Variants in FREM2 observed in about 807,000 individuals in gnomAD.
The protein encoded by FREM2 is FRAS1-related extracellular matrix protein 2.
Under a neutral mutation model 219.9 loss-of-function variants are expected in FREM2, and 119 were observed. The ratio of observed to expected loss-of-function variants is 0.54; its 90% confidence interval spans 0.47 to 0.63. The LOEUF is 0.63. Ranked by LOEUF, FREM2 falls within the 30% of genes least tolerant of loss-of-function variation. FREM2 has a pLI of 0.00. For synonymous variants in FREM2, 1,562 were observed against 1,522.8 expected (o/e 1.03, Z -0.60); for missense variants, 4,030 against 3,993.6 (o/e 1.01, Z -0.25).
At chr13:38,793,563 G>A (rs1874648801) in intron 6 of FREM2, among the ~76,000 whole-genome samples, 1 of 152,174 alleles carries the variant, frequency 6.6e-6, no homozygotes, top group Non-Finnish European at 1.5e-5. Context: ...GGGCCCTGTG[G>A]CCATATAAAA....
chr13:38,861,509 A>G lies in FREM2; in HGVS notation c.7598A>G (p.Asp2533Gly). ...SAKLRYTGPEDADYTNLIKLT... is the reference protein window; with the variant it reads ...SAKLRYTGPEGADYTNLIKLT... ...AAATTGCGCTACACAGGCCCTGAGG[A>G]TGCAGACTACACAAACCTTATCAAG... The change falls in exon 15 of 24, where the codon GAT (aspartate) becomes GGT (glycine). Residue 2533 changes from aspartate (D) to glycine (G), a missense_variant. Physicochemically the swap from Asp to Gly is moderately conservative, Grantham distance 94. Around this residue, in one of 2 missense-constraint regions of FREM2, gnomAD observed 928 missense variants for 1,042.9 expected, o/e 0.89. Coordinates refer to ENST00000280481, the MANE Select transcript of FREM2 (RefSeq NM_207361.6). 2 of 1,611,782 alleles carry G rather than the reference A, an allele frequency of 1.2e-6. No homozygotes were observed. The highest frequency in any genetic ancestry group is 1.7e-6 in the Non-Finnish European group (2 of 1,178,676).
At chr13:38,796,643 A>G (rs1390437521) in intron 6 of FREM2, among the ~76,000 whole-genome samples, 2 of 152,144 alleles carry the variant, frequency 1.3e-5, no homozygotes, top group Admixed American at 6.5e-5. Context: ...TCATAAGTAT[A>G]CATGATAGTT....
chr13:38,743,023 A>G (rs948849537), intron 2 of FREM2, among the ~76,000 whole-genome samples: 1 of 152,168 alleles, frequency 6.6e-6, no homozygotes, highest in African/African-American at 2.4e-5. Flanking sequence ...ACTTTTCTAT[A>G]TGGATCACTG....
At chr13:38,735,038 G>A (rs576504443) in intron 2 of FREM2, among the ~76,000 whole-genome samples, 3 of 152,174 alleles carry the variant, frequency 2.0e-5, no homozygotes, top group East Asian at 1.9e-4. Context: ...GAGCCACTGC[G>A]CCCAGCCAGT....
intron 6 of FREM2, among the ~76,000 whole-genome samples, chr13:38,825,576 A>C (rs942954837): frequency 6.6e-6 from 1 of 152,136 alleles, no homozygotes; most frequent in Non-Finnish European, 1.5e-5. Context: ...GCAGTGAGGC[A>C]TTGTCATTGC....
Position 38,689,478 on chromosome 13 carries a change from G to A in FREM2, c.2134G>A (p.Val712Met). 1 of 1,614,022 alleles carries A rather than the reference G, an allele frequency of 6.2e-7. No homozygotes were observed. Among genetic ancestry groups the A allele is most frequent in the Non-Finnish European group, 8.5e-7 (1 of 1,179,996 alleles). The change falls in exon 1 of 24, where the codon GTG (valine) becomes ATG (methionine). Residue 712 changes from valine (V) to methionine (M), a missense_variant. Physicochemically the swap from Val to Met is conservative, Grantham distance 21. Around this residue, in one of 2 missense-constraint regions of FREM2, gnomAD observed 3,102 missense variants for 2,950.7 expected, o/e 1.05. Transcript: ENST00000280481. ...GGGCAGTGGCTGTCCCCTTCGTATG[G>A]TGGTACAGGAATCCCAGCTCACACC... ...ELGSGCPLRM[V>M]VQESQLTPLR...
chr13:38,701,227 G>T lies in FREM2; in HGVS notation c.5263+3440G>T, dbSNP rs572713846. ...ATCAGAATAAGGCACTCACCCAGGT[G>T]TTCTGGGCCAGTCAACATACATGAA... On this transcript the variant is annotated intron_variant, in intron 2 of 23. Transcript: ENST00000280481. Among the ~76,000 whole-genome samples the T allele has an allele frequency of 7.9e-5, 12 of 152,190 alleles. No homozygotes were observed. The South Asian group carries it at 2.3e-3, about 29-fold the overall frequency.
At chr13:38,738,734 T>C (rs1278415691) in intron 2 of FREM2, among the ~76,000 whole-genome samples, 1 of 151,744 alleles carries the variant, frequency 6.6e-6, no homozygotes, top group East Asian at 1.9e-4. Flanking sequence ...AGATGCAGAG[T>C]ATGAGACCAG....
chr13:38,755,697 A>T (rs1872969418), intron 2 of FREM2, among the ~76,000 whole-genome samples: 1 of 152,172 alleles, frequency 6.6e-6, no homozygotes, highest in African/African-American at 2.4e-5. Context: ...ATCAGCTTCC[A>T]TGAGGTCTGT....
Position 38,692,473 on chromosome 13 carries a change from T to C in FREM2, c.5129T>C (p.Leu1710Pro). ...VTEAPQHGYLLNLDKGNHSIT... is the reference protein window; with the variant it reads ...VTEAPQHGYLPNLDKGNHSIT... Reference sequence around the variant, plus strand: ...GAGGCCCCTCAACATGGATATCTTCTCAACCTGGACAAAGGCAACCACAGC... The same window carrying C: ...GAGGCCCCTCAACATGGATATCTTCCCAACCTGGACAAAGGCAACCACAGC... The change falls in exon 1 of 24, where the codon CTC becomes CCC. Residue 1710 changes from leucine (L) to proline (P), a missense_variant. Physicochemically the swap from Leu to Pro is moderately conservative, Grantham distance 98 (BLOSUM62 -3). Around this residue, in one of 2 missense-constraint regions of FREM2, gnomAD observed 3,102 missense variants for 2,950.7 expected, o/e 1.05. Transcript: ENST00000280481. 6.2e-7 allele frequency: 1 copy of C among 1,613,472 alleles called. No homozygotes were observed. Among genetic ancestry groups the C allele is most frequent in the Non-Finnish European group, 8.5e-7 (1 of 1,180,008 alleles).
intron 6 of FREM2, among the ~76,000 whole-genome samples, chr13:38,811,324 TATTA>T (rs1345953353): frequency 6.6e-6 from 1 of 152,132 alleles, no homozygotes; most frequent in Non-Finnish European, 1.5e-5. Context: ...CTCTGATTTT[TATTA>T]ATTCTTCTAC....
intron 6 of FREM2, among the ~76,000 whole-genome samples, chr13:38,796,678 CTT>C (rs1874800285): frequency 6.6e-6 from 1 of 152,128 alleles, no homozygotes; most frequent in African/African-American, 2.4e-5. Context: ...TCAATGGACA[CTT>C]AGGATGATTC....
At position 38,877,200 on chromosome 13, in the gene FREM2, A is replaced by T. The variant is rs1247616055; in HGVS notation, c.8628A>T (p.Gly2876=). Residue 2876 remains glycine, a synonymous_variant, in exon 21 of 24, where the codon GGA becomes GGT. Transcript: ENST00000280481. The stretch of plus-strand genomic sequence containing the variant: ...AGAAGAGTCTCTGGTTGTCTGATGG[A>T]TCCATGGGATTCGGGCAAGAGAGTG... ...LSKKSLWLSD[G]SMGFGQESDV... The T allele has an allele frequency of 4.3e-6, 7 of 1,613,988 alleles. No homozygotes were observed. Among genetic ancestry groups the T allele is most frequent in the Non-Finnish European group, 5.9e-6 (7 of 1,179,974 alleles).
rs890363251 is a variant in FREM2 at position 38,867,873 on chromosome 13, A to G, written c.7983+3267A>G. ...GGCCTCAGCCAATTTGGTGGTGCCC[A>G]CTTACATTGAGTGAGGATGGGTCTT... On this transcript the variant is annotated intron_variant, in intron 16 of 23. Coordinates refer to ENST00000280481, the MANE Select transcript of FREM2 (RefSeq NM_207361.6). Among the ~76,000 whole-genome samples, 8 of 152,182 alleles carry G rather than the reference A, an allele frequency of 5.3e-5. No individual in the cohort carries two copies. The South Asian group carries it at 8.3e-4, about 16-fold the overall frequency.
intron 2 of FREM2, among the ~76,000 whole-genome samples, chr13:38,762,146 G>C (rs1020871227): frequency 6.6e-6 from 1 of 152,122 alleles, no homozygotes; most frequent in African/African-American, 2.4e-5. Flanking sequence ...TACCTGAGTC[G>C]ATCTTTGAAG....
intron 2 of FREM2, among the ~76,000 whole-genome samples, chr13:38,708,243 A>G (rs1338675133): frequency 2.0e-5 from 3 of 152,198 alleles, no homozygotes; most frequent in African/African-American, 7.2e-5. Context: ...CTCGATAAAT[A>G]TTTATTGAGT....
At chr13:38,736,161 A>G (rs1871985743) in intron 2 of FREM2, among the ~76,000 whole-genome samples, 1 of 152,202 alleles carries the variant, frequency 6.6e-6, no homozygotes, top group Non-Finnish European at 1.5e-5. Flanking sequence ...TCACTTAATG[A>G]TACAAGGTAT....
At chr13:38,870,922 A>G (rs552511582) in intron 16 of FREM2, among the ~76,000 whole-genome samples, 58 of 152,344 alleles carry the variant, frequency 3.8e-4, no homozygotes, top group African/African-American at 1.3e-3. Context: ...ATCTATTCCT[A>G]AAACCTAATT....
chr13:38,869,761 T>TA (rs574556259), intron 16 of FREM2, among the ~76,000 whole-genome samples: 62 of 152,298 alleles, frequency 4.1e-4, no homozygotes, highest in Non-Finnish European at 7.8e-4. Flanking sequence ...GGGTTCACAA[T>TA]AAAAAACACT....
Sources: allele counts gnomAD v4.1 joint callset (sites outside exome capture counted in the v4.1 genomes callset), GRCh38; gene constraint gnomAD v4.1.1; regional missense constraint gnomAD v4.1.1; transcripts MANE v1.5; gene names NCBI Gene and HGNC (gene_info 2026-07-23, HGNC 2026-07-21).